TMEM74: variants seen among roughly 807,000 people sequenced by gnomAD.
TMEM74 encodes transmembrane protein 74.
Under a neutral mutation model 18.1 loss-of-function variants are expected in TMEM74, and 13 were observed. The observed-to-expected ratio is 0.72, with a 90% confidence interval of 0.47 to 1.14. The LOEUF (loss-of-function observed/expected upper bound fraction) is 1.14. Ranked by LOEUF, TMEM74 falls within the 50% of genes most tolerant of loss-of-function variation. TMEM74 has a pLI of 0.00. For missense variants in TMEM74, 372 were observed against 375.9 expected (o/e 0.99, Z 0.09); for synonymous variants, 159 against 146.6 (o/e 1.08, Z -0.61).
chr8:108,615,062 A>C (rs952668953), intron 2 of TMEM74, among the ~76,000 whole-genome samples: 2 of 152,202 alleles, frequency 1.3e-5, no homozygotes, highest in Non-Finnish European at 2.9e-5. Flanking sequence ...GGGGAAATAA[A>C]CTGAAAGTGT....
chr8:108,610,389 T>TAAG lies in TMEM74; in HGVS notation n.265-1564_265-1563insCTT, dbSNP rs1812323112. On this transcript the variant is annotated intron_variant and non_coding_transcript_variant, in intron 2 of 3. Transcript: ENST00000518838. ...AAATATTTATTAAGTGCTAAATATG[T>TAAG]TGTGAAAAAATAGAAACATGAATCT... Among the ~76,000 whole-genome samples the TAAG allele has an allele frequency of 2.0e-5, 3 of 152,174 alleles. No homozygotes were observed. The South Asian group carries it at 6.2e-4, about 32-fold the overall frequency.
intron 1 of TMEM74, among the ~76,000 whole-genome samples, chr8:108,761,566 T>A (rs1349456801): frequency 1.3e-5 from 2 of 152,106 alleles, no homozygotes; most frequent in African/African-American, 4.8e-5. Context: ...TTATTCGTGT[T>A]CAGGAAAATC....
chr8:108,661,292 T>A lies in TMEM74; in HGVS notation n.120-5855A>T, dbSNP rs79854070. On this transcript the variant is annotated intron_variant and non_coding_transcript_variant, in intron 1 of 3. Coordinates refer to the TMEM74 transcript ENST00000518838. Reference sequence around the variant, plus strand: ...TAAAAGCAGCTTTATGCAGCCAAGATGTTTTTAGTTTATGATTTGCAAGAA... The same window carrying A: ...TAAAAGCAGCTTTATGCAGCCAAGAAGTTTTTAGTTTATGATTTGCAAGAA... Among the ~76,000 whole-genome samples the A allele has an allele frequency of 2.6e-3, 392 of 152,008 alleles. 9 individuals carry two copies. In the East Asian group the frequency reaches 0.068, roughly 26 times the overall value.
At chr8:108,700,633 GAA>G (rs1333946338) in intron 1 of TMEM74, among the ~76,000 whole-genome samples, 1 of 152,022 alleles carries the variant, frequency 6.6e-6, no homozygotes, top group Non-Finnish European at 1.5e-5. Flanking sequence ...ATAAAGGAGA[GAA>G]AAATAAGTAT....
intron 2 of TMEM74, among the ~76,000 whole-genome samples, chr8:108,623,459 A>G (rs987419975): frequency 2.0e-5 from 3 of 152,032 alleles, no homozygotes; most frequent in Non-Finnish European, 4.4e-5. Context: ...GGTCTCCAGT[A>G]TTTCTCTTAG....
chr8:108,711,350 T>G (rs1307070972), intron 1 of TMEM74, among the ~76,000 whole-genome samples: 3 of 152,214 alleles, frequency 2.0e-5, no homozygotes, highest in African/African-American at 7.2e-5. Context: ...TTACTCTCTA[T>G]TCCAAGCAGA....
At chr8:108,685,860 T>C (rs1002646964) in intron 1 of TMEM74, among the ~76,000 whole-genome samples, 1 of 151,996 alleles carries the variant, frequency 6.6e-6, no homozygotes, top group Non-Finnish European at 1.5e-5. Context: ...AAAGAGAAAA[T>C]AATCCAACTA....
chr8:108,715,250 C>T (rs1316977021), intron 1 of TMEM74, among the ~76,000 whole-genome samples: 1 of 151,604 alleles, frequency 6.6e-6, no homozygotes, highest in Admixed American at 6.6e-5. Context: ...ACAAAGATGG[C>T]AACACTAGAT....
chr8:108,746,894 C>T (rs1051996479), intron 1 of TMEM74, among the ~76,000 whole-genome samples: 16 of 152,144 alleles, frequency 1.1e-4, no homozygotes, highest in African/African-American at 2.2e-4. Flanking sequence ...AGAAGTCCCA[C>T]GTCCCTTTCC....
intron 3 of TMEM74, among the ~76,000 whole-genome samples, chr8:108,607,935 G>T (rs1232940098): frequency 6.6e-6 from 1 of 152,158 alleles, no homozygotes; most frequent in East Asian, 1.9e-4. Flanking sequence ...GTGTGTATGT[G>T]TATGTGTGCA....
At chr8:108,679,518 ATG>A (rs1235247932) in intron 1 of TMEM74, among the ~76,000 whole-genome samples, 2 of 152,094 alleles carry the variant, frequency 1.3e-5, no homozygotes, top group African/African-American at 4.8e-5. Flanking sequence ...GCATTTTTTC[ATG>A]TGTCTTTTGG....
At chr8:108,660,231 A>T (rs562185069) in intron 1 of TMEM74, among the ~76,000 whole-genome samples, 1 of 152,166 alleles carries the variant, frequency 6.6e-6, no homozygotes, top group African/African-American at 2.4e-5. Context: ...TTTCTCCTAA[A>T]TCTTACCATT....
At chr8:108,628,403 T>C (rs1812517564) in intron 2 of TMEM74, among the ~76,000 whole-genome samples, 1 of 152,040 alleles carries the variant, frequency 6.6e-6, no homozygotes, top group Non-Finnish European at 1.5e-5. Context: ...AATTCAATTT[T>C]GATACTATCT....
chr8:108,674,058 C>T (rs1362521663), intron 1 of TMEM74, among the ~76,000 whole-genome samples: 2 of 152,136 alleles, frequency 1.3e-5, no homozygotes, highest in Non-Finnish European at 2.9e-5. Flanking sequence ...CAGCTAAATA[C>T]TGATGCCTGG....
At chr8:108,662,506 G>A (rs549621025) in intron 1 of TMEM74, among the ~76,000 whole-genome samples, 13 of 152,166 alleles carry the variant, frequency 8.5e-5, no homozygotes, top group African/African-American at 1.7e-4. Context: ...AATGCCCTTC[G>A]TTTTTCCACA....
chr8:108,752,690 C>T (rs1264797571), intron 1 of TMEM74, among the ~76,000 whole-genome samples: 1 of 152,110 alleles, frequency 6.6e-6, no homozygotes, highest in Non-Finnish European at 1.5e-5. Flanking sequence ...ATTTCAAATA[C>T]ATCAGTCTCT....
rs1000068837 is a variant in TMEM74 at position 108,656,804 on chromosome 8, C to T, written n.120-1367G>A. 8.5e-5 allele frequency among the ~76,000 whole-genome samples: 13 copies of T among 152,112 alleles called. 1 individual carries two copies. The highest frequency in any genetic ancestry group is 8.3e-4 in the South Asian group (4 of 4,834). On this transcript the variant is annotated intron_variant and non_coding_transcript_variant, in intron 1 of 3. Coordinates refer to the TMEM74 transcript ENST00000518838. ...TAAAAAAGTAGAAAAAGACTAGAAACGTGCAAAAGAAATTCTGCTTCCTTC... is the reference window on the plus strand; with the variant it reads ...TAAAAAAGTAGAAAAAGACTAGAAATGTGCAAAAGAAATTCTGCTTCCTTC...
intron 1 of TMEM74, among the ~76,000 whole-genome samples, chr8:108,700,631 G>C (rs189942562): frequency 6.6e-6 from 1 of 152,172 alleles, no homozygotes; most frequent in African/African-American, 2.4e-5. Flanking sequence ...AAATAAAGGA[G>C]AGAAAAATAA....
intron 2 of TMEM74, among the ~76,000 whole-genome samples, chr8:108,633,126 T>G (rs1311360009): frequency 6.6e-6 from 1 of 152,012 alleles, no homozygotes; most frequent in African/African-American, 2.4e-5. Flanking sequence ...ATCTGTCATC[T>G]CTGTGCAAAG....
Sources: allele counts gnomAD v4.1 joint callset (sites outside exome capture counted in the v4.1 genomes callset), GRCh38; gene constraint gnomAD v4.1.1; transcripts MANE v1.5; gene names NCBI Gene and HGNC (gene_info 2026-07-23, HGNC 2026-07-21).